Variants in LRRC72 observed in about 807,000 individuals in gnomAD.
LRRC72 encodes the protein leucine-rich repeat-containing protein 72.
LRRC72 carries 41 observed loss-of-function variants against 35.8 expected under a neutral mutation model. The ratio of observed to expected loss-of-function variants is 1.15; its 90% CI spans 0.89 to 1.49. LRRC72 has a LOEUF of 1.49. Ranked by LOEUF, LRRC72 falls within the 40% of genes most tolerant of loss-of-function variation. LRRC72 has a pLI of 0.00. For synonymous variants in LRRC72, 118 were observed against 119.2 expected (o/e 0.99, Z 0.07); for missense variants, 389 against 330.7 (o/e 1.18, Z -1.37).
At chr7:16,544,699 G>T (rs2128335790) in intron 3 of LRRC72, among the ~76,000 whole-genome samples, 1 of 152,278 alleles carries the variant, frequency 6.6e-6, no homozygotes, top group South Asian at 2.1e-4. Context: ...TTTCTTTTAT[G>T]GATGTCCAAT....
In LRRC72 at chr7:16,537,260, G is replaced by T. The variant is rs73297264; in HGVS notation, c.165-367G>T. ...ACAGACAATATTGAAGCAGGACCCA[G>T]CTACATTTCCCACATTTACTTGAAA... is the stretch of plus-strand genomic sequence containing the variant. On this transcript the variant is annotated intron_variant, in intron 2 of 8. Coordinates refer to ENST00000401542, the MANE Select transcript of LRRC72 (RefSeq NM_001195280.2). 1.7e-3 allele frequency: 286 copies of T among 167,216 alleles called. 2 individuals are homozygous for T. The highest frequency in any genetic ancestry group is 6.5e-3 in the African/African-American group (272 of 41,932). 10.4% of individuals were successfully genotyped at this position (167,216 alleles called of 1,614,324 possible).
intron 2 of LRRC72, among the ~76,000 whole-genome samples, chr7:16,533,650 A>G (rs1159301183): frequency 6.6e-6 from 1 of 152,082 alleles, no homozygotes; most frequent in Non-Finnish European, 1.5e-5. Context: ...CTTTATTATT[A>G]AACATATTTA....
intron 5 of LRRC72, among the ~76,000 whole-genome samples, chr7:16,564,660 C>T (rs369828364): frequency 9.2e-5 from 14 of 152,222 alleles, no homozygotes; most frequent in African/African-American, 2.6e-4. Flanking sequence ...TACCAGGTGT[C>T]TTCCATTGCC....
At chr7:16,576,689 A>C (rs1783046629) in intron 7 of LRRC72, among the ~76,000 whole-genome samples, 1 of 152,196 alleles carries the variant, frequency 6.6e-6, no homozygotes, top group South Asian at 2.1e-4. Flanking sequence ...CCTATATGTA[A>C]ATGTAGAAAG....
chr7:16,567,406 A>T lies in LRRC72; in HGVS notation c.533A>T (p.Glu178Val). The T allele has an allele frequency of 6.7e-7, 1 of 1,494,786 alleles. No individual in the cohort carries two copies. The highest frequency in any genetic ancestry group is 8.9e-7 in the Non-Finnish European group (1 of 1,122,438). The allele number at this position is 1,494,786 out of a possible 1,614,324, so 92.6% of individuals were successfully genotyped here. Residue 178 changes from glutamate to valine, a missense_variant, in exon 7 of 9, where the codon GAA becomes GTA. Coordinates refer to ENST00000401542, the MANE Select transcript of LRRC72 (RefSeq NM_001195280.2). ...LLDRNQVTEKERRSMITIFNH... is the reference protein window; with the variant it reads ...LLDRNQVTEKVRRSMITIFNH... ...CATTTATCAGAAGTTACAGAAAAAG[A>T]AAGAAGATCAATGATTACCATTTTT... is the stretch of plus-strand genomic sequence containing the variant.
In LRRC72 at chr7:16,527,591, T is replaced by C. The variant is rs149783127; in HGVS notation, c.90+549T>C. Among the ~76,000 whole-genome samples the C allele has an allele frequency of 4.3e-3, 650 of 151,942 alleles. 2 individuals are homozygous for C. Among genetic ancestry groups the C allele is most frequent in the Non-Finnish European group, 7.4e-3 (504 of 67,964 alleles). ...GCAGAGTCGAGAGCAGTTAAGATAA[T>C]GATTAAAAGAATATTTGGATATTTG... On this transcript the variant is annotated intron_variant, in intron 1 of 8. Transcript: ENST00000401542.
In LRRC72 at chr7:16,567,563, A is replaced by AAC; in HGVS notation, c.670+21_670+22insCA. 1.4e-6 allele frequency: 2 copies of AAC among 1,417,932 alleles called. No homozygotes were observed. Among genetic ancestry groups the AAC allele is most frequent in the East Asian group, 5.1e-5 (2 of 38,842 alleles). 87.8% of individuals were successfully genotyped at this position (1,417,932 alleles called of 1,614,324 possible). ...CTTCAGGTATTTCGTAAAAAAAAAA[A>AAC]AAAAAACAAATTTAATGAAATTAAA... On this transcript the variant is annotated intron_variant, in intron 7 of 8. Transcript: ENST00000401542.
Position 16,526,879 on chromosome 7 carries a change from C to T in LRRC72, c.-74C>T. 1 of 1,215,910 alleles carries T rather than the reference C, an allele frequency of 8.2e-7. No homozygotes were observed. 75.3% of individuals were successfully genotyped at this position (1,215,910 alleles called of 1,614,324 possible). ...ACAGAACAACGAGCTGTGCACCAAG[C>T]CAAGTCTCTCTTCGGTGCCACCGGC... On this transcript the variant is annotated 5_prime_UTR_variant, in exon 1 of 9. Coordinates refer to ENST00000401542, the MANE Select transcript of LRRC72 (RefSeq NM_001195280.2).
At chr7:16,531,189 A>AC (rs2128334272) in intron 1 of LRRC72, among the ~76,000 whole-genome samples, 1 of 152,014 alleles carries the variant, frequency 6.6e-6, no homozygotes, top group African/African-American at 2.4e-5. Context: ...TCAAAAAAAA[A>AC]AAAAAGAAAA....
intron 5 of LRRC72, among the ~76,000 whole-genome samples, chr7:16,562,184 G>GC (rs1171061536): frequency 1.3e-5 from 2 of 152,070 alleles, no homozygotes; most frequent in Non-Finnish European, 2.9e-5. Flanking sequence ...GAGTCAGGGG[G>GC]CCCCACCTCT....
At chr7:16,540,291 G>A (rs1036884006) in intron 3 of LRRC72, among the ~76,000 whole-genome samples, 1 of 152,178 alleles carries the variant, frequency 6.6e-6, no homozygotes, top group African/African-American at 2.4e-5. Context: ...AATTGCATGA[G>A]GCCTGTGACC....
intron 3 of LRRC72, among the ~76,000 whole-genome samples, chr7:16,554,435 A>C (rs192947405): frequency 9.0e-4 from 137 of 152,282 alleles, no homozygotes; most frequent in Non-Finnish European, 1.3e-3. Flanking sequence ...CTATCTTGCA[A>C]TGTCTATTGA....
chr7:16,556,999 G>T (rs1180080371), intron 3 of LRRC72, among the ~76,000 whole-genome samples: 1 of 152,182 alleles, frequency 6.6e-6, no homozygotes, highest in African/African-American at 2.4e-5. Context: ...ATTAGGTGGT[G>T]GATATGTGGT....
Position 16,556,254 on chromosome 7 carries a change from A to G in LRRC72, c.235-1106A>G, listed in dbSNP as rs17169543. 9.8e-3 allele frequency among the ~76,000 whole-genome samples: 1,496 copies of G among 152,284 alleles called. 33 individuals are homozygous for G. The highest frequency in any genetic ancestry group is 0.034 in the African/African-American group (1,410 of 41,544). On this transcript the variant is annotated intron_variant, in intron 3 of 8. Coordinates refer to ENST00000401542, the MANE Select transcript of LRRC72 (RefSeq NM_001195280.2). The stretch of plus-strand genomic sequence containing the variant: ...ATTCTAACCTTAAAAGTAAGATGCG[A>G]CTTCTTCACTATATTGTTAGGAGAG...
intron 3 of LRRC72, among the ~76,000 whole-genome samples, chr7:16,553,223 T>C (rs1358894267): frequency 3.9e-5 from 6 of 152,206 alleles, no homozygotes; most frequent in African/African-American, 1.4e-4. Flanking sequence ...TATTTTCAAA[T>C]TAGTAACTTC....
intron 7 of LRRC72, among the ~76,000 whole-genome samples, chr7:16,568,081 G>T (rs1215710577): frequency 6.6e-6 from 1 of 151,246 alleles, no homozygotes; most frequent in Admixed American, 6.6e-5. Context: ...ATTTGTAACA[G>T]AAATGCAAAA....
chr7:16,532,598 A>C, intron 2 of LRRC72, 30 bp downstream of exon 2: 1 of 1,419,972 alleles, frequency 7.0e-7, no homozygotes, highest in Non-Finnish European at 9.7e-7. Context: ...AAAATGAAAG[A>C]GTATCATGTT....
At chr7:16,579,525 C>A (rs529251206) in intron 7 of LRRC72, among the ~76,000 whole-genome samples, 1 of 151,904 alleles carries the variant, frequency 6.6e-6, no homozygotes, top group Non-Finnish European at 1.5e-5. Context: ...CTGGAAGACA[C>A]CGTAAGAAAT....
At chr7:16,580,435 G>T (rs1783120748) in intron 8 of LRRC72, among the ~76,000 whole-genome samples, 1 of 152,164 alleles carries the variant, frequency 6.6e-6, no homozygotes, top group Admixed American at 6.5e-5. Context: ...CTCAGGTCAG[G>T]AGTTCGAGAC....
Sources: gnomAD v4.1 joint callset for allele counts (sites outside exome capture counted in the v4.1 genomes callset) on GRCh38, gnomAD v4.1.1 for gene constraint, MANE v1.5 for transcripts, NCBI Gene and HGNC (gene_info 2026-07-23, HGNC 2026-07-21) for gene names.